SEMA6C: variants seen among roughly 807,000 people sequenced by gnomAD.
SEMA6C encodes the protein semaphorin 6C.
A neutral mutation model predicts 72.9 loss-of-function variants in SEMA6C; 37 were observed. The observed-to-expected ratio is 0.51, with a 90% CI of 0.39 to 0.67. The LOEUF (loss-of-function observed/expected upper bound fraction) is 0.67. Among genes scored for constraint, SEMA6C ranks in the 30% least tolerant of loss-of-function variants. The pLI, the probability that SEMA6C is intolerant of heterozygous loss-of-function variation, is 0.00. For missense variants in SEMA6C, 1,189 were observed against 1,263.6 expected (o/e 0.94, Z 0.89); for synonymous variants, 578 against 554.1 (o/e 1.04, Z -0.61).
At position 151,133,016 on chromosome 1, in the gene SEMA6C, G is replaced by A; in HGVS notation, c.2261C>T (p.Pro754Leu). Residue 754 changes from proline to leucine, a missense_variant, in exon 19 of 19, where the codon CCG (proline) becomes CTG (leucine). Physicochemically the swap from Pro to Leu is moderately conservative, Grantham distance 98. Around this residue, in one of 2 missense-constraint regions of SEMA6C, gnomAD observed 721 missense variants for 686.2 expected, o/e 1.05. Transcript: ENST00000368914. This position sits in a 1 kb window ranked among gnomAD's most constrained non-coding sequence, Gnocchi z 5.9. ...CACGGCCTGCCCGGGACAGCCGGGC[G>A]GCGGTGGCCTCACCAGCACGCGGGG... ...PAPRVLVRPP[P>L]PGCPGQAVEV... 1 of 1,402,234 alleles carries A rather than the reference G, an allele frequency of 7.1e-7. No individual in the cohort carries two copies. Among genetic ancestry groups the A allele is most frequent in the Non-Finnish European group, 9.3e-7 (1 of 1,077,250 alleles). 86.9% of individuals were successfully genotyped at this position (1,402,234 alleles called of 1,614,324 possible).
Position 151,139,673 on chromosome 1 carries a change from C to T in SEMA6C, c.262G>A (p.Ala88Thr). The T allele has an allele frequency of 1.2e-6, 2 of 1,606,214 alleles. No individual in the cohort carries two copies. The highest frequency in any genetic ancestry group is 2.2e-5 in the East Asian group (1 of 44,690). Residue 88 changes from alanine to threonine, a missense_variant, in exon 5 of 19, where the codon GCC becomes ACC. Physicochemically the swap from Ala to Thr is moderately conservative, Grantham distance 58. Around this residue, in one of 2 missense-constraint regions of SEMA6C, gnomAD observed 468 missense variants for 577.4 expected, o/e 0.81. Transcript: ENST00000368914. ...RDHVFSFDLQ[A>T]EEEGEGLVPN... Reference sequence around the variant, plus strand: ...ACCAGCCCCTCCCCTTCTTCTTCGGCTTGAAGATCGAAGGAGAAAACGTGA... The same window carrying T: ...ACCAGCCCCTCCCCTTCTTCTTCGGTTTGAAGATCGAAGGAGAAAACGTGA...
chr1:151,132,922 C>T lies in SEMA6C; in HGVS notation c.2355G>A (p.Glu785=). The T allele has an allele frequency of 6.5e-6, 9 of 1,388,904 alleles. No individual in the cohort carries two copies. Among genetic ancestry groups the T allele is most frequent in the Non-Finnish European group, 8.4e-6 (9 of 1,070,638 alleles). The allele number at this position is 1,388,904 out of a possible 1,614,324, so 86.0% of individuals were successfully genotyped here. ...HGPQPPRKGA[E]PPAPLTSRAL... ...CCCGCGAGGTTAAAGGGGCGGGGGG[C>T]TCGGCCCCCTTTCTGGGCGGCTGCG... The change falls in exon 19 of 19, where the codon GAG becomes GAA. Residue 785 remains glutamate (E), a synonymous_variant. Transcript: ENST00000368914.
In SEMA6C at chr1:151,132,575, T is replaced by A; in HGVS notation, c.2702A>T (p.Asp901Val). 6 of 1,551,468 alleles carry A rather than the reference T, an allele frequency of 3.9e-6. No individual in the cohort carries two copies. The highest frequency in any genetic ancestry group is 5.2e-6 in the Non-Finnish European group (6 of 1,147,326). The change falls in exon 19 of 19, where the codon GAC (aspartate) becomes GTC (valine). Residue 901 changes from aspartate (D) to valine (V), a missense_variant. Asp to Val is a radical substitution (Grantham distance 152, BLOSUM62 -3). Transcript: ENST00000368914. The part of the protein sequence containing the change: ...GYRGRALKRV[D>V]VEKPQLSLKP... ...CAGGGACAACTGGGGCTTCTCGACG[T>A]CCACCCTTTTCAGGGCGCGGCCCCG...
chr1:151,139,787 G>A (rs1682378085), intron 4 of SEMA6C, 86 bp from the exon 5 acceptor site: 2 of 1,391,728 alleles, frequency 1.4e-6, no homozygotes, highest in East Asian at 4.8e-5. Flanking sequence ...AAACAGTGCA[G>A]ACCTTCTGGC....
At chr1:151,135,955 A>G in intron 13 of SEMA6C, 56 bp downstream of exon 13, 1 of 1,609,282 alleles carries the variant, frequency 6.2e-7, no homozygotes, top group East Asian at 2.2e-5. Context: ...GGGTCAAAGA[A>G]AGAGGAGGGT....
rs191730412 is a variant in SEMA6C, at chr1:151,144,380, C to T, written c.-55+5G>A. 862 of 153,154 alleles carry T rather than the reference C, an allele frequency of 5.6e-3. 6 individuals are homozygous for T. Among genetic ancestry groups the T allele is most frequent in the Non-Finnish European group, 7.7e-3 (527 of 68,370 alleles). The allele number at this position is 153,154 out of a possible 1,614,324, so 9.5% of individuals were successfully genotyped here. On this transcript the variant is annotated splice_donor_5th_base_variant and intron_variant, in intron 2 of 18. Transcript: ENST00000368914. ...TGCCCTCAGGAGCTGCTGCCCTTTC[C>T]TTACCTGGGTTGGTGACTCCTGTGG...
In SEMA6C at chr1:151,132,995, G is replaced by A. The variant is rs868153374; in HGVS notation, c.2282C>T (p.Ala761Val). The A allele has an allele frequency of 2.1e-6, 3 of 1,410,804 alleles. No homozygotes were observed. The highest frequency in any genetic ancestry group is 2.5e-5 in the Admixed American group (1 of 39,698). 87.4% of individuals were successfully genotyped at this position (1,410,804 alleles called of 1,614,324 possible). A position where few individuals can be genotyped will look rare whatever the true frequency, so the allele number is the denominator to read the frequency against. Residue 761 changes from alanine to valine, a missense_variant, in exon 19 of 19, where the codon GCC becomes GTC. Around this residue, in one of 2 missense-constraint regions of SEMA6C, gnomAD observed 721 missense variants for 686.2 expected, o/e 1.05. Transcript: ENST00000368914. ...TTCCTCCAGGGTGGTGACTTCCACG[G>A]CCTGCCCGGGACAGCCGGGCGGCGG... ...RPPPPGCPGQ[A>V]VEVTTLEELL...
chr1:151,131,800 G>C lies in SEMA6C; in HGVS notation c.*684C>G, dbSNP rs1366158072. 1.8e-5 allele frequency: 3 copies of C among 162,798 alleles called. No homozygotes were observed. The highest frequency in any genetic ancestry group is 7.2e-5 in the African/African-American group (3 of 41,452). The allele number at this position is 162,798 out of a possible 1,614,324, so 10.1% of individuals were successfully genotyped here. On this transcript the variant is annotated 3_prime_UTR_variant, in exon 19 of 19. Transcript: ENST00000368914. ...CCTTTAAGAAAGTCCCTCTTACCTC[G>C]ATCTGGAAACGAGCTCCGAGGGCCT...
At chr1:151,140,160 A>C in intron 3 of SEMA6C, 70 bp from the exon 4 acceptor site, 1 of 1,308,156 alleles carries the variant, frequency 7.6e-7, no homozygotes, top group South Asian at 1.3e-5. Context: ...CAACCAGATG[A>C]AACCCAGCAG....
Position 151,145,595 on chromosome 1 carries a change from G to GGGCC in SEMA6C, c.-105+834_-105+837dup, listed in dbSNP as rs1334787420. 1 of 153,188 alleles carries GGGCC rather than the reference G, an allele frequency of 6.5e-6. No individual in the cohort carries two copies. Among genetic ancestry groups the GGGCC allele is most frequent in the African/African-American group, 2.4e-5 (1 of 41,504 alleles). 9.5% of individuals were successfully genotyped at this position (153,188 alleles called of 1,614,324 possible). A position where few individuals can be genotyped will look rare whatever the true frequency, so the allele number is the denominator to read the frequency against. On this transcript the variant is annotated intron_variant, in intron 1 of 18. Transcript: ENST00000368914. This position sits in a 1 kb window ranked among gnomAD's most constrained non-coding sequence, Gnocchi z 4.4. Reference sequence around the variant, plus strand: ...TCACCGGATCCGGGGCTCCGAGGAGGGGCCGGTAGCAGAGTCTGGGCCGGG... The same window carrying GGGCC: ...TCACCGGATCCGGGGCTCCGAGGAGGGGCCGGCCGGTAGCAGAGTCTGGGCCGGG...
At position 151,136,901 on chromosome 1, in the gene SEMA6C, A is replaced by C; in HGVS notation, c.930T>G (p.His310Gln). 1 of 1,614,120 alleles carries C rather than the reference A, an allele frequency of 6.2e-7. No homozygotes were observed. The highest frequency in any genetic ancestry group is 8.5e-7 in the Non-Finnish European group (1 of 1,180,038). Residue 310 changes from histidine to glutamine, a missense_variant, in exon 11 of 19, where the codon CAT (histidine) becomes CAG (glutamine). Coordinates refer to ENST00000368914, the MANE Select transcript of SEMA6C (RefSeq NM_030913.6). ...AGACCCCAAAGAGAGCAGAGCGGCC[A>C]TGCAGGTTCACAGGCCCAGTCAAGG... ...LQALTGPVNLHGRSALFGVFT... is the reference protein window; with the variant it reads ...LQALTGPVNLQGRSALFGVFT...
chr1:151,141,525 T>G (rs1305746928), intron 3 of SEMA6C, among the ~76,000 whole-genome samples: 1 of 152,104 alleles, frequency 6.6e-6, no homozygotes, highest in Non-Finnish European at 1.5e-5. Flanking sequence ...TTCTCCTGCC[T>G]CAGCCACCCA....
chr1:151,142,343 T>C (rs587641712), intron 3 of SEMA6C, among the ~76,000 whole-genome samples, 161 bp downstream of exon 3: 9 of 152,316 alleles, frequency 5.9e-5, no homozygotes, highest in Non-Finnish European at 1.0e-4. Flanking sequence ...GAGAAGCAGC[T>C]GGCAGGAGGT....
At chr1:151,137,949 C>T (rs1276717858) in intron 9 of SEMA6C, 37 bp downstream of exon 9, 1 of 1,605,956 alleles carries the variant, frequency 6.2e-7, no homozygotes, top group Non-Finnish European at 8.5e-7. Context: ...GTGCCTCCTC[C>T]CCAATAACAG....
In SEMA6C at chr1:151,133,135, G is replaced by C. The variant is rs966474481; in HGVS notation, c.2142C>G (p.Ala714=). 6.4e-7 allele frequency: 1 copy of C among 1,558,056 alleles called. No individual in the cohort carries two copies. Among genetic ancestry groups the C allele is most frequent in the African/African-American group, 1.4e-5 (1 of 71,590 alleles). ...TPELPVKHLR[A]AGDPWEWNQN... is the part of the protein sequence containing the mutation. The stretch of plus-strand genomic sequence containing the variant: ...GGTTCCACTCCCAGGGGTCCCCGGC[G>C]GCGCGGAGGTGCTTGACCGGCAGCT... The change falls in exon 19 of 19, where the codon GCC becomes GCG. Residue 714 remains alanine (A), a synonymous_variant. Coordinates refer to ENST00000368914, the MANE Select transcript of SEMA6C (RefSeq NM_030913.6). This position sits in a 1 kb window ranked among gnomAD's most constrained non-coding sequence, Gnocchi z 5.9.
intron 15 of SEMA6C, 142 bp downstream of exon 15, chr1:151,135,021 C>T: frequency 7.3e-7 from 1 of 1,373,816 alleles, no homozygotes; most frequent in Non-Finnish European, 1.0e-6. Context: ...CTGGTTGCTG[C>T]CCACCTTCAG....
At chr1:151,144,825 C>T (rs1045802197) in intron 1 of SEMA6C, among the ~76,000 whole-genome samples, 4 of 152,178 alleles carry the variant, frequency 2.6e-5, no homozygotes, top group African/African-American at 9.6e-5. Flanking sequence ...CATTTACATG[C>T]TCTTCATTTC....
rs1331948173 is a variant in SEMA6C at position 151,133,516 on chromosome 1, G to T, written c.1761C>A (p.Gly587=). The change falls in exon 19 of 19, where the codon GGC becomes GGA. Residue 587 remains glycine (G), a splice_region_variant and synonymous_variant. Coordinates refer to ENST00000368914, the MANE Select transcript of SEMA6C (RefSeq NM_030913.6). The surrounding 1 kb of genome is among the most constrained non-coding windows in gnomAD (Gnocchi z 5.9). ...SQSGPGDSAY[G]VRRDLPPASA... is the part of the protein sequence containing the mutation. ...AGGCTGGGGGCAGGTCCCGGCGCAC[G>T]CCTGCCGACCGAGAGGGAGGAGGGA... 1.3e-6 allele frequency: 2 copies of T among 1,508,090 alleles called. No individual in the cohort carries two copies. The highest frequency in any genetic ancestry group is 2.1e-5 in the Admixed American group (1 of 47,216). 93.4% of individuals were successfully genotyped at this position (1,508,090 alleles called of 1,614,324 possible).
chr1:151,132,780 C>T lies in SEMA6C; in HGVS notation c.2497G>A (p.Ala833Thr). The T allele has an allele frequency of 7.2e-7, 1 of 1,384,784 alleles. No individual in the cohort carries two copies. The highest frequency in any genetic ancestry group is 1.6e-5 in the South Asian group (1 of 60,754). 85.8% of individuals were successfully genotyped at this position (1,384,784 alleles called of 1,614,324 possible). ...GCGGGGGCGGAGAGCGCGGGCCGGG[C>T]GGGGGCAGAGGCGCACCTGCCCTCG... is the stretch of plus-strand genomic sequence containing the variant. The part of the protein sequence containing the change: ...PPEGRCASAP[A>T]RPALSAPAPR... Residue 833 changes from alanine (A) to threonine (T), a missense_variant, in exon 19 of 19, where the codon GCC (alanine) becomes ACC (threonine). This residue lies in a region of SEMA6C where 721 missense variants were observed against 686.2 expected (regional missense o/e 1.05). Transcript: ENST00000368914.
Sources: gnomAD v4.1 joint callset for allele counts (sites outside exome capture counted in the v4.1 genomes callset) on GRCh38, gnomAD v4.1.1 for gene constraint, gnomAD v4.1.1 regional missense constraint, Gnocchi (gnomAD v3.1) non-coding constraint, MANE v1.5 for transcripts, NCBI Gene and HGNC (gene_info 2026-07-23, HGNC 2026-07-21) for gene names.